ZNF676: variants seen among roughly 807,000 people sequenced by gnomAD.
The protein encoded by ZNF676 is zinc finger protein 676.
In ZNF676, 4 loss-of-function variants were observed where a neutral mutation model predicts 6.0. That is an observed-to-expected ratio of 0.67 (90% CI 0.33 to 1.53). The LOEUF is 1.53. Ranked by LOEUF, ZNF676 falls within the 40% of genes most tolerant of loss-of-function variation. The probability of loss-of-function intolerance (pLI) is 0.06; values close to 1 mark genes in which losing one functional copy is unlikely to be tolerated. For missense variants in ZNF676, 644 were observed against 679.7 expected (o/e 0.95, Z 0.58); for synonymous variants, 198 against 223.1 (o/e 0.89, Z 1.00).
chr19:22,183,725 C>A lies in ZNF676; in HGVS notation c.131-2139G>T, dbSNP rs186152383. ...CTAATGTTAAAAAGACTCAAAGTGG[C>A]AAGATGGAAGTAGACATTTCATGCA... On this transcript the variant is annotated intron_variant, in intron 2 of 2. Transcript: ENST00000397121. Among the ~76,000 whole-genome samples, 233 of 152,202 alleles carry A rather than the reference C, an allele frequency of 1.5e-3. 1 individual carries two copies. Among genetic ancestry groups the A allele is most frequent in the African/African-American group, 5.2e-3 (216 of 41,532 alleles).
chr19:22,196,535 T>A, intron 1 of ZNF676, 65 bp downstream of exon 1: 2 of 1,612,208 alleles, frequency 1.2e-6, no homozygotes, highest in Non-Finnish European at 1.7e-6. Context: ...TTCAGTCCAA[T>A]AAGGTCTGCA....
chr19:22,228,190 C>T, the ZNF676 span, among the ~76,000 whole-genome samples: 1 of 152,156 alleles, frequency 6.6e-6, no homozygotes. Flanking sequence ...GGATGCATGG[C>T]TGGTTCAACA....
intron 2 of ZNF676, among the ~76,000 whole-genome samples, chr19:22,184,366 C>T (rs554527433): frequency 6.6e-6 from 1 of 152,298 alleles, no homozygotes; most frequent in East Asian, 1.9e-4. Flanking sequence ...AACCCACAGA[C>T]CAGAAGATTC....
the ZNF676 span, among the ~76,000 whole-genome samples, chr19:22,259,003 A>G: frequency 6.6e-6 from 1 of 152,132 alleles, no homozygotes; most frequent in African/African-American, 2.4e-5. Flanking sequence ...TCCTTAGTGG[A>G]GTCAAAGTCT....
chr19:22,243,483 A>G, the ZNF676 span: 2 of 152,048 alleles, frequency 1.3e-5, no homozygotes, highest in African/African-American at 2.4e-5. Context: ...GATATGTTAC[A>G]GAAAACCTTG....
chr19:22,181,143 T>A lies in ZNF676; in HGVS notation c.574A>T (p.Thr192Ser). ...STLTYYKSIH[T>S]GEKPYKCEEC... The stretch of plus-strand genomic sequence containing the variant: ...TCACATTTGTAGGGTTTCTCTCCAG[T>A]ATGAATACTCTTATAATAAGTAAGG... The change falls in exon 3 of 3, where the codon ACT becomes TCT. Residue 192 changes from threonine (T) to serine (S), a missense_variant. Coordinates refer to ENST00000397121, the MANE Select transcript of ZNF676 (RefSeq NM_001001411.3). 2 of 1,613,940 alleles carry A rather than the reference T, an allele frequency of 1.2e-6. No individual in the cohort carries two copies. The highest frequency in any genetic ancestry group is 8.5e-7 in the Non-Finnish European group (1 of 1,179,944).
chr19:22,251,373 A>G, the ZNF676 span, among the ~76,000 whole-genome samples: 1 of 152,218 alleles, frequency 6.6e-6, no homozygotes, highest in African/African-American at 2.4e-5. Context: ...GTTACACACT[A>G]GTCTCATTTG....
chr19:22,180,557 T>C lies in ZNF676; in HGVS notation c.1160A>G (p.His387Arg). ...ACATTTGTAGGGCTTCTCTTCAGCA[T>C]GAATTGCCTTATGTGTATTAAGGGT... is the stretch of plus-strand genomic sequence containing the variant. ...VSTLNTHKAI[H>R]AEEKPYKCEE... Residue 387 changes from histidine (H) to arginine (R), a missense_variant, in exon 3 of 3, where the codon CAT becomes CGT. By Grantham distance (29) the His-to-Arg change is conservative. Coordinates refer to ENST00000397121, the MANE Select transcript of ZNF676 (RefSeq NM_001001411.3). The C allele has an allele frequency of 6.2e-7, 1 of 1,612,990 alleles. No homozygotes were observed. The highest frequency in any genetic ancestry group is 8.5e-7 in the Non-Finnish European group (1 of 1,179,786).
At chr19:22,213,033 A>C (rs577783738) in intron 1 of ZNF676, among the ~76,000 whole-genome samples, 1 of 152,234 alleles carries the variant, frequency 6.6e-6, no homozygotes, top group East Asian at 1.9e-4. Flanking sequence ...GGTCAAAATA[A>C]GTGAACAAAT....
the ZNF676 span, among the ~76,000 whole-genome samples, chr19:22,257,770 C>G: frequency 6.6e-6 from 1 of 152,120 alleles, no homozygotes; most frequent in South Asian, 2.1e-4. Context: ...TGTAACAATA[C>G]CCCCTGAGGA....
the ZNF676 span, among the ~76,000 whole-genome samples, chr19:22,227,111 G>A: frequency 6.6e-6 from 1 of 152,126 alleles, no homozygotes; most frequent in African/African-American, 2.4e-5. Flanking sequence ...ATAATTGGAA[G>A]TAAAACACTC....
upstream of ZNF676, among the ~76,000 whole-genome samples, chr19:22,216,450 C>A (rs1363323169): frequency 6.6e-6 from 1 of 151,894 alleles, no homozygotes; most frequent in Non-Finnish European, 1.5e-5. Flanking sequence ...ACATGGGCAA[C>A]AAGAGTGAAA....
the ZNF676 span, among the ~76,000 whole-genome samples, chr19:22,225,411 C>A: frequency 2.8e-4 from 42 of 152,120 alleles, 1 homozygote; most frequent in South Asian, 8.7e-3. Flanking sequence ...GTACAATAAG[C>A]ATAAATGTTT....
chr19:22,221,296 T>A, the ZNF676 span, among the ~76,000 whole-genome samples: 1 of 152,330 alleles, frequency 6.6e-6, no homozygotes, highest in East Asian at 1.9e-4. Flanking sequence ...TTTAAATAAT[T>A]ATTTAATTTC....
chr19:22,230,030 T>C, the ZNF676 span, among the ~76,000 whole-genome samples: 1 of 152,158 alleles, frequency 6.6e-6, no homozygotes, highest in South Asian at 2.1e-4. Flanking sequence ...ATCATTCTAC[T>C]ATAAAGACAC....
intron 1 of ZNF676, among the ~76,000 whole-genome samples, chr19:22,209,733 G>A (rs2024111645): frequency 6.6e-6 from 1 of 152,180 alleles, no homozygotes; most frequent in Admixed American, 6.5e-5. Context: ...TAGTGGCCCA[G>A]GTGGGGCTGT....
the ZNF676 span, among the ~76,000 whole-genome samples, chr19:22,231,322 A>G: frequency 6.6e-6 from 1 of 152,134 alleles, no homozygotes; most frequent in Admixed American, 6.6e-5. Flanking sequence ...AGACAAAGAT[A>G]CAACAATCAA....
At chr19:22,224,200 G>A in the ZNF676 span, among the ~76,000 whole-genome samples, 2 of 147,894 alleles carry the variant, frequency 1.4e-5, no homozygotes. Context: ...TAGATCTGAT[G>A]AGTAAACATT....
chr19:22,236,608 T>C, the ZNF676 span, among the ~76,000 whole-genome samples: 1 of 152,180 alleles, frequency 6.6e-6, no homozygotes, highest in Non-Finnish European at 1.5e-5. Context: ...CAAGGGAATC[T>C]GGCCTCTCCT....
Sources: gnomAD v4.1 joint callset for allele counts (sites outside exome capture counted in the v4.1 genomes callset) on GRCh38, gnomAD v4.1.1 for gene constraint, MANE v1.5 for transcripts, NCBI Gene and HGNC (gene_info 2026-07-23, HGNC 2026-07-21) for gene names.